TICRR: variants seen among roughly 807,000 people sequenced by gnomAD.
TICRR encodes TOPBP1 interacting checkpoint and replication regulator.
Under a neutral mutation model 178.1 loss-of-function variants are expected in TICRR, and 132 were observed. That is an observed-to-expected ratio of 0.74 (90% CI 0.64 to 0.86). The LOEUF (loss-of-function observed/expected upper bound fraction) is 0.86, where lower values mean the gene tolerates loss of function less well. Ranked by LOEUF, TICRR falls within the 40% of genes least tolerant of loss-of-function variation. The pLI is 0.00. For synonymous variants in TICRR, 991 were observed against 900.7 expected (o/e 1.10, Z -1.79); for missense variants, 2,587 against 2,334.3 (o/e 1.11, Z -2.23).
intron 2 of TICRR, among the ~76,000 whole-genome samples, chr15:89,583,477 A>G (rs1962766634): frequency 6.6e-6 from 1 of 152,236 alleles, no homozygotes; most frequent in South Asian, 2.1e-4. Flanking sequence ...ATTCACAGAA[A>G]TAATACTTTA....
chr15:89,627,063 G>A lies in TICRR; in HGVS notation c.5710G>A (p.Gly1904Arg), dbSNP rs1963543204. The A allele has an allele frequency of 1.2e-6, 2 of 1,614,096 alleles. No homozygotes were observed. Among genetic ancestry groups the A allele is most frequent in the Non-Finnish European group, 1.7e-6 (2 of 1,180,040 alleles). ...SRTYTRKKLMGTWLEDL is the reference protein window; with the variant it reads ...SRTYTRKKLMRTWLEDL ...AACTTATACACGGAAGAAGCTCATG[G>A]GAACCTGGCTGGAGGACTTATAGCC... The change falls in exon 22 of 22, where the codon GGA becomes AGA. Residue 1904 changes from glycine (G) to arginine (R), a missense_variant. Gly to Arg is a moderately radical substitution (Grantham distance 125). Transcript: ENST00000268138.
At chr15:89,626,162 C>G in intron 21 of TICRR, 101 bp downstream of exon 21, 1 of 1,432,150 alleles carries the variant, frequency 7.0e-7, no homozygotes, top group Non-Finnish European at 9.5e-7. Context: ...CAGGGAGTGC[C>G]AAGTGTGGGA....
At position 89,625,044 on chromosome 15, in the gene TICRR, A is replaced by G. The variant is rs1963493932; in HGVS notation, c.4734A>G (p.Ile1578Met). The G allele has an allele frequency of 6.2e-7, 1 of 1,614,084 alleles. No individual in the cohort carries two copies. Among genetic ancestry groups the G allele is most frequent in the Non-Finnish European group, 8.5e-7 (1 of 1,180,026 alleles). The change falls in exon 20 of 22, where the codon ATA becomes ATG. Residue 1578 changes from isoleucine to methionine, a missense_variant. By Grantham distance (10) the Ile-to-Met change is conservative (BLOSUM62 1). Coordinates refer to ENST00000268138, the MANE Select transcript of TICRR (RefSeq NM_152259.4). ...SGLPKLRIKK[I>M]DPSSSLEAEP... ...TTCCCAAACTTCGAATTAAGAAGAT[A>G]GACCCCAGCTCTTCATTAGAGGCTG...
In TICRR at chr15:89,616,535, A is replaced by G. The variant is rs368273914; in HGVS notation, c.2960+40A>G. On this transcript the variant is annotated intron_variant, in intron 16 of 21. Transcript: ENST00000268138. ...CATCCGGGCTTCTTCATACACCCAC[A>G]CCACCTCAAAGCGGCCTTGTGGGCC... The G allele has an allele frequency of 8.5e-5, 132 of 1,557,598 alleles. No homozygotes were observed. The African/African-American group carries it at 1.6e-3, about 19-fold the overall frequency.
chr15:89,616,194 A>G (rs1056303028), intron 15 of TICRR, among the ~76,000 whole-genome samples: 1 of 152,108 alleles, frequency 6.6e-6, no homozygotes, highest in Non-Finnish European at 1.5e-5. Context: ...CTATATTTAC[A>G]TTGTCTTATG....
At chr15:89,602,128 T>C in intron 12 of TICRR, 152 bp downstream of exon 12, 1 of 840,604 alleles carries the variant, frequency 1.2e-6, no homozygotes, top group Non-Finnish European at 1.8e-6. Context: ...CTATTAGAGC[T>C]CCTAATAGGA....
chr15:89,582,889 C>T lies in TICRR; in HGVS notation c.858C>T (p.Asn286=). 6.2e-7 allele frequency: 1 copy of T among 1,614,166 alleles called. No homozygotes were observed. The highest frequency in any genetic ancestry group is 1.6e-4 in the Middle Eastern group (1 of 6,062). ...TGCTGCCAACTGATGCCACTTTAAA[C>T]CGTTTGCTCTACAATTCTCCTGAGT... ...ISMLPTDATL[N]RLLYNSPEYE... The change falls in exon 2 of 22, where the codon AAC becomes AAT. Residue 286 remains asparagine, a synonymous_variant. Transcript: ENST00000268138.
rs773636976 is a variant in TICRR, at chr15:89,600,603, G to A, written c.2071G>A (p.Val691Ile). The A allele has an allele frequency of 6.3e-7, 1 of 1,578,362 alleles. No individual in the cohort carries two copies. The highest frequency in any genetic ancestry group is 1.2e-5 in the South Asian group (1 of 84,586). Residue 691 changes from valine (V) to isoleucine (I), a missense_variant, in exon 9 of 22, where the codon GTA (valine) becomes ATA (isoleucine). Transcript: ENST00000268138. ...TTTTTAGGTGAACTGCCTGAATCAA[G>A]TAAAAAGTAGTCTCTTAAAAACTAG... The part of the protein sequence containing the change: ...KELEVNCLNQ[V>I]KSSLLKTSKS...
intron 15 of TICRR, among the ~76,000 whole-genome samples, chr15:89,616,059 A>G (rs1429574176): frequency 6.6e-6 from 1 of 151,956 alleles, no homozygotes; most frequent in Non-Finnish European, 1.5e-5. Context: ...TAATTTTTGT[A>G]TGTTTAGTAG....
chr15:89,623,868 C>G lies in TICRR; in HGVS notation c.3558C>G (p.Thr1186=), dbSNP rs562432045. ...GACATACCCAGGCAGGAGAAGGTAC[C>G]TCTCTTGAAACGAAGACACCAAGAA... ...QKRHTQAGEG[T]SLETKTPRTP... The change falls in exon 20 of 22, where the codon ACC becomes ACG. Residue 1186 remains threonine (T), a synonymous_variant. Coordinates refer to ENST00000268138, the MANE Select transcript of TICRR (RefSeq NM_152259.4). 1 of 1,613,784 alleles carries G rather than the reference C, an allele frequency of 6.2e-7. No individual in the cohort carries two copies. Among genetic ancestry groups the G allele is most frequent in the Non-Finnish European group, 8.5e-7 (1 of 1,180,024 alleles).
Position 89,625,410 on chromosome 15 carries a change from C to A in TICRR, c.5100C>A (p.Ser1700=). 1 of 1,613,930 alleles carries A rather than the reference C, an allele frequency of 6.2e-7. No homozygotes were observed. The highest frequency in any genetic ancestry group is 2.2e-5 in the East Asian group (1 of 44,852). ...TGGGCTGTGGCGCCGGCTCCTCTTC[C>A]GGGAGGGGCGAGGTCGGTGCAGACC... ...RAVGCGAGSS[S]GRGEVGADLP... is the part of the protein sequence containing the mutation. Residue 1700 remains serine (S), a synonymous_variant, in exon 20 of 22, where the codon TCC becomes TCA. Coordinates refer to ENST00000268138, the MANE Select transcript of TICRR (RefSeq NM_152259.4).
At chr15:89,611,972 C>T (rs1353755568) in intron 15 of TICRR, among the ~76,000 whole-genome samples, 4 of 152,092 alleles carry the variant, frequency 2.6e-5, no homozygotes, top group African/African-American at 9.7e-5. Context: ...TCTTGGCTTC[C>T]TTAGTGACGG....
chr15:89,617,248 A>T (rs1175058289), intron 16 of TICRR, among the ~76,000 whole-genome samples: 1 of 152,210 alleles, frequency 6.6e-6, no homozygotes, highest in Non-Finnish European at 1.5e-5. Flanking sequence ...CATTATTCGT[A>T]TATGGATTTT....
At chr15:89,622,122 A>AC (rs1221656672) in intron 19 of TICRR, among the ~76,000 whole-genome samples, 1 of 151,578 alleles carries the variant, frequency 6.6e-6, no homozygotes, top group East Asian at 1.9e-4. Context: ...AGTAGCTAGG[A>AC]TTACAGGCAC....
At chr15:89,585,203 G>C (rs755924708) in intron 3 of TICRR, among the ~76,000 whole-genome samples, 37 of 152,190 alleles carry the variant, frequency 2.4e-4, no homozygotes, top group Non-Finnish European at 4.6e-4. Context: ...GTGCTCTGAG[G>C]AAAAGGGCAC....
At chr15:89,597,544 C>G (rs184405720) in intron 7 of TICRR, among the ~76,000 whole-genome samples, 2 of 151,148 alleles carry the variant, frequency 1.3e-5, no homozygotes, top group Non-Finnish European at 2.9e-5. Context: ...AAAAAAAATC[C>G]GTTTACTATA....
At chr15:89,586,179 A>G (rs1962820132) in intron 4 of TICRR, among the ~76,000 whole-genome samples, 2 of 152,188 alleles carry the variant, frequency 1.3e-5, no homozygotes, top group Admixed American at 6.5e-5. Flanking sequence ...TTTTTAATAT[A>G]TTTAAGAAAT....
At chr15:89,581,090 C>T (rs1386143294) in intron 1 of TICRR, among the ~76,000 whole-genome samples, 5 of 152,206 alleles carry the variant, frequency 3.3e-5, no homozygotes, top group African/African-American at 1.2e-4. Flanking sequence ...GGTTCTTGGA[C>T]TTGTCTATCA....
chr15:89,621,312 T>C (rs1207296072), intron 18 of TICRR, 81 bp from the exon 19 acceptor site: 15 of 1,415,342 alleles, frequency 1.1e-5, no homozygotes, highest in Non-Finnish European at 1.4e-5. Flanking sequence ...TGAGCCACCA[T>C]GCGTGGCTGG....
Sources: allele counts gnomAD v4.1 joint callset (sites outside exome capture counted in the v4.1 genomes callset), GRCh38; gene constraint gnomAD v4.1.1; transcripts MANE v1.5; gene names NCBI Gene and HGNC (gene_info 2026-07-23, HGNC 2026-07-21).